Variants in ZMYND12 observed in about 807,000 individuals in gnomAD.
The protein encoded by ZMYND12 is zinc finger MYND-type containing 12.
ZMYND12 carries 32 observed loss-of-function variants against 41.7 expected under a neutral mutation model. The ratio of observed to expected loss-of-function variants is 0.77; its 90% CI spans 0.58 to 1.03. ZMYND12 has a LOEUF of 1.03. Ranked by LOEUF, ZMYND12 falls within the 50% of genes least tolerant of loss-of-function variation. The pLI, the probability that ZMYND12 is intolerant of heterozygous loss-of-function variation, is 0.00. For missense variants in ZMYND12, 424 were observed against 438.5 expected (o/e 0.97, Z 0.30); for synonymous variants, 148 against 164.8 (o/e 0.90, Z 0.78).
At chr1:42,449,170 C>T (rs2148409843) in intron 2 of ZMYND12, among the ~76,000 whole-genome samples, 1 of 152,248 alleles carries the variant, frequency 6.6e-6, no homozygotes, top group African/African-American at 2.4e-5. Flanking sequence ...TAATAAGGGG[C>T]TAATTTTTTA....
chr1:42,455,959 G>T lies in ZMYND12; in HGVS notation c.39C>A (p.Arg13=). ...VIYPLAVPKG[R]RLCCEVCEAP... ...CTTCGCACACCTCACAGCAGAGTCT[G>T]CGCCCCTTGGGGACTGCCAGTGGGT... The change falls in exon 1 of 8, where the codon CGC becomes CGA. Residue 13 remains arginine, a synonymous_variant. Coordinates refer to ENST00000372565, the MANE Select transcript of ZMYND12 (RefSeq NM_032257.5). 1 of 1,613,564 alleles carries T rather than the reference G, an allele frequency of 6.2e-7. No homozygotes were observed. The highest frequency in any genetic ancestry group is 8.5e-7 in the Non-Finnish European group (1 of 1,180,014).
At chr1:42,432,940 C>T (rs1275346157) in intron 7 of ZMYND12, 3 of 588,946 alleles carry the variant, frequency 5.1e-6, no homozygotes, top group Non-Finnish European at 8.4e-6. Flanking sequence ...ACTGGGAACC[C>T]TCGGGGGAAG....
intron 4 of ZMYND12, among the ~76,000 whole-genome samples, chr1:42,437,634 T>C (rs1225067327): frequency 6.6e-6 from 1 of 151,364 alleles, no homozygotes; most frequent in Non-Finnish European, 1.5e-5. Flanking sequence ...TGCCTCAGCC[T>C]TCCGAGCGGC....
rs745526428 is a variant in ZMYND12 at position 42,439,990 on chromosome 1, A to T, written c.460T>A (p.Phe154Ile). 2.7e-5 allele frequency: 44 copies of T among 1,613,336 alleles called. No homozygotes were observed. In the South Asian group the frequency reaches 4.6e-4, roughly 17 times the overall value. The change falls in exon 4 of 8, where the codon TTC (phenylalanine) becomes ATC (isoleucine). Residue 154 changes from phenylalanine to isoleucine, a missense_variant. Coordinates refer to ENST00000372565, the MANE Select transcript of ZMYND12 (RefSeq NM_032257.5). ...GRIVQAEEYL[F>I]QAQWTVLKST... The stretch of plus-strand genomic sequence containing the variant: ...TTGAGGACTGTCCACTGGGCTTGGA[A>T]TAGATATTCTTCAGCCTGAACGATT...
chr1:42,444,953 A>G (rs59950490), intron 3 of ZMYND12, among the ~76,000 whole-genome samples: 58,471 of 150,386 alleles, frequency 0.39, 11,853 homozygotes, highest in East Asian at 0.6. Context: ...GACTACAGGC[A>G]CCCGCCACCA....
At chr1:42,440,615 T>C (rs1438786366) in intron 3 of ZMYND12, among the ~76,000 whole-genome samples, 2 of 152,120 alleles carry the variant, frequency 1.3e-5, no homozygotes, top group South Asian at 2.1e-4. Flanking sequence ...ATCATGGTGA[T>C]TGTTGCACAA....
intron 3 of ZMYND12, among the ~76,000 whole-genome samples, chr1:42,441,339 T>C (rs967165104): frequency 3.3e-5 from 5 of 152,158 alleles, no homozygotes; most frequent in African/African-American, 1.2e-4. Context: ...GTTATGTTCA[T>C]AGAACTATAT....
rs1642951975 is a variant in ZMYND12, at chr1:42,440,008, G to A, written c.442C>T (p.Gln148Ter). The A allele has an allele frequency of 6.2e-7, 1 of 1,611,008 alleles. No individual in the cohort carries two copies. The highest frequency in any genetic ancestry group is 8.5e-7 in the Non-Finnish European group (1 of 1,179,080). ...GCTTGGAATAGATATTCTTCAGCCT[G>A]AACGATTCGGCCCAGACCTGCCCAA... ...EASLGLGRIVQAEEYLFQAQW... is the reference protein window; with the variant it reads ...EASLGLGRIV Residue 148 changes from glutamine to a stop codon, truncating the protein, a stop_gained, in exon 4 of 8, where the codon CAG becomes TAG. Coordinates refer to ENST00000372565, the MANE Select transcript of ZMYND12 (RefSeq NM_032257.5). LOFTEE classifies it high-confidence loss of function.
intron 4 of ZMYND12, 105 bp downstream of exon 4, chr1:42,439,751 T>A: frequency 8.1e-7 from 1 of 1,230,730 alleles, no homozygotes; most frequent in Non-Finnish European, 1.1e-6. Context: ...CAGAAAGTTT[T>A]AGAGAAATGC....
At chr1:42,445,725 C>G (rs1289848552) in intron 3 of ZMYND12, among the ~76,000 whole-genome samples, 1 of 152,078 alleles carries the variant, frequency 6.6e-6, no homozygotes. Context: ...TTGTTAACGG[C>G]TAGATCAAGC....
chr1:42,439,764 A>G lies in ZMYND12; in HGVS notation c.594+92T>C, dbSNP rs551827715. 2.7e-4 allele frequency: 358 copies of G among 1,324,930 alleles called. 4 individuals carry two copies. In the South Asian group the frequency reaches 4.2e-3, roughly 16 times the overall value. 82.1% of individuals were successfully genotyped at this position (1,324,930 alleles called of 1,614,324 possible). ...AACAGAAAGTTTTAGAGAAATGCAC[A>G]GTTTTAAAAAAATTAAACAGATTTT... is the stretch of plus-strand genomic sequence containing the variant. On this transcript the variant is annotated intron_variant, in intron 4 of 7. Coordinates refer to ENST00000372565, the MANE Select transcript of ZMYND12 (RefSeq NM_032257.5).
intron 7 of ZMYND12, among the ~76,000 whole-genome samples, chr1:42,431,222 T>C (rs545774264): frequency 2.0e-5 from 3 of 152,284 alleles, no homozygotes; most frequent in Admixed American, 1.3e-4. Context: ...CTGGAGACCA[T>C]GTGGCCCAGA....
At chr1:42,446,011 G>T (rs1643020459) in intron 3 of ZMYND12, among the ~76,000 whole-genome samples, 1 of 152,188 alleles carries the variant, frequency 6.6e-6, no homozygotes, top group Admixed American at 6.5e-5. Context: ...GGAATGGGGT[G>T]TCAGACCTGG....
At chr1:42,446,310 AT>A (rs1643023237) in intron 3 of ZMYND12, among the ~76,000 whole-genome samples, 1 of 152,218 alleles carries the variant, frequency 6.6e-6, no homozygotes, top group Non-Finnish European at 1.5e-5. Flanking sequence ...ATGGTGCTGT[AT>A]TAGATCTGGA....
chr1:42,455,310 T>C lies in ZMYND12; in HGVS notation c.110+578A>G, dbSNP rs562650543. Among the ~76,000 whole-genome samples the C allele has an allele frequency of 1.1e-4, 17 of 152,316 alleles. No homozygotes were observed. In the East Asian group the frequency reaches 3.3e-3, roughly 29 times the overall value. The stretch of plus-strand genomic sequence containing the variant: ...CCCATTCACTATCGTCTCACTCTCG[T>C]TGCCCAAGCTGGAGTGCAGTGGCGC... On this transcript the variant is annotated intron_variant, in intron 1 of 7. Coordinates refer to ENST00000372565, the MANE Select transcript of ZMYND12 (RefSeq NM_032257.5).
Position 42,439,899 on chromosome 1 carries a change from G to A in ZMYND12, c.551C>T (p.Ala184Val). The A allele has an allele frequency of 6.2e-7, 1 of 1,613,774 alleles. No individual in the cohort carries two copies. Among genetic ancestry groups the A allele is most frequent in the Non-Finnish European group, 8.5e-7 (1 of 1,179,940 alleles). Residue 184 changes from alanine to valine, a missense_variant, in exon 4 of 8, where the codon GCT becomes GTT. Physicochemically the swap from Ala to Val is moderately conservative, Grantham distance 64. Transcript: ENST00000372565. Reference sequence around the variant, plus strand: ...ACGGGCCTCTTCATAGTTTTTCTTAGCTATATAGAGAAGTCCCAGATTCCG... The same window carrying A: ...ACGGGCCTCTTCATAGTTTTTCTTAACTATATAGAGAAGTCCCAGATTCCG... The part of the protein sequence containing the change: ...LHRNLGLLYI[A>V]KKNYEEARYH...
intron 6 of ZMYND12, 133 bp from the exon 7 acceptor site, chr1:42,433,421 A>G: frequency 9.3e-7 from 1 of 1,070,048 alleles, no homozygotes; most frequent in Admixed American, 3.1e-5. Context: ...AGCACCAATT[A>G]CAGCAAGTTT....
At chr1:42,436,928 T>C (rs779994974) in intron 4 of ZMYND12, among the ~76,000 whole-genome samples, 3 of 152,132 alleles carry the variant, frequency 2.0e-5, no homozygotes, top group Non-Finnish European at 2.9e-5. Flanking sequence ...AAGTTAAACA[T>C]AGAGTTACTA....
chr1:42,433,313 A>G (rs1446260229), intron 6 of ZMYND12, 25 bp from the exon 7 acceptor site: 1 of 1,587,514 alleles, frequency 6.3e-7, no homozygotes, highest in Non-Finnish European at 8.5e-7. Flanking sequence ...GAAGAAAGAA[A>G]AAACAGGCTC....
Sources: allele counts gnomAD v4.1 joint callset (sites outside exome capture counted in the v4.1 genomes callset), GRCh38; gene constraint gnomAD v4.1.1; transcripts MANE v1.5; gene names NCBI Gene and HGNC (gene_info 2026-07-23, HGNC 2026-07-21).